Variants in GATA6 observed in about 807,000 individuals in gnomAD.
GATA6 encodes the protein GATA binding protein 6.
GATA6 carries 11 observed loss-of-function variants against 48.1 expected under a neutral mutation model. The ratio of observed to expected loss-of-function variants is 0.23; its 90% CI spans 0.14 to 0.38. GATA6 has a LOEUF of 0.38. Among genes scored for constraint, GATA6 ranks in the 10% least tolerant of loss-of-function variants. GATA6 has a pLI of 1.00. For missense variants in GATA6, 795 were observed against 850.3 expected, an observed-to-expected ratio of 0.93 and a Z score of 0.81; for synonymous variants, 419 against 396.1, an observed-to-expected ratio of 1.06 and a Z score of -0.69.
At chr18:22,173,487 G>T (rs934211764) in intron 2 of GATA6, among the ~76,000 whole-genome samples, 1 of 152,192 alleles carries the variant, frequency 6.6e-6, no homozygotes, top group Non-Finnish European at 1.5e-5. Flanking sequence ...CTTTAGGACA[G>T]CAAGTCAGTC....
Position 22,177,952 on chromosome 18 carries a change from G to GTT in GATA6, c.1302+856_1302+857dup, listed in dbSNP as rs775374335. On this transcript the variant is annotated intron_variant, in intron 3 of 6. Transcript: ENST00000269216. ...TTCGCACACGTTTTACTGTTTTTTT[G>GTT]TTTTTTTTTTTTTTTTTTTTTTTTT... Among the ~76,000 whole-genome samples, 261 of 80,514 alleles carry GTT rather than the reference G, an allele frequency of 3.2e-3. 17 individuals carry two copies. Among genetic ancestry groups the GTT allele is most frequent in the Non-Finnish European group, 5.0e-3 (198 of 39,208 alleles). 52.8% of individuals were successfully genotyped at this position (80,514 alleles called of 152,430 possible).
chr18:22,190,633 T>C (rs1163093634), intron 6 of GATA6, among the ~76,000 whole-genome samples: 2 of 152,156 alleles, frequency 1.3e-5, no homozygotes, highest in African/African-American at 2.4e-5. Context: ...GCCTCATTTA[T>C]AAACCAAGAT....
Position 22,172,453 on chromosome 18 carries a change from C to T in GATA6, c.1135+174C>T, listed in dbSNP as rs2033069277. On this transcript the variant is annotated intron_variant, in intron 2 of 6. Coordinates refer to ENST00000269216, the MANE Select transcript of GATA6 (RefSeq NM_005257.6). This position sits in a 1 kb window ranked among gnomAD's most constrained non-coding sequence, Gnocchi z 5.2. The stretch of plus-strand genomic sequence containing the variant: ...GCCTGTGGCTGGGTAACCCAGAGTC[C>T]GGTAGCGCTGAGGCGAGTTGTGCCA... Among the ~76,000 whole-genome samples the T allele has an allele frequency of 6.6e-6, 1 of 152,192 alleles. No homozygotes were observed. The highest frequency in any genetic ancestry group is 2.1e-4 in the South Asian group (1 of 4,828).
At chr18:22,173,708 A>G (rs1448009765) in intron 2 of GATA6, among the ~76,000 whole-genome samples, 1 of 152,170 alleles carries the variant, frequency 6.6e-6, no homozygotes, top group Admixed American at 6.5e-5. Flanking sequence ...TCTGGAGTGC[A>G]GTGGCTCACT....
chr18:22,173,032 G>T (rs1360815218), intron 2 of GATA6, among the ~76,000 whole-genome samples: 1 of 152,152 alleles, frequency 6.6e-6, no homozygotes, highest in Admixed American at 6.5e-5. Context: ...CCTGGAGCTG[G>T]GGCACCTATT....
chr18:22,195,880 A>G (rs551995265), intron 6 of GATA6, among the ~76,000 whole-genome samples: 2 of 152,336 alleles, frequency 1.3e-5, no homozygotes, highest in Non-Finnish European at 2.9e-5. Flanking sequence ...AGTTTCTACT[A>G]TTAGAAGTAA....
chr18:22,177,211 C>G (rs2033134195), intron 3 of GATA6, 90 bp downstream of exon 3: 1 of 1,263,990 alleles, frequency 7.9e-7, no homozygotes, highest in African/African-American at 1.6e-5. Flanking sequence ...CTGCCTTGGG[C>G]GTCCCCCTCC....
intron 6 of GATA6, among the ~76,000 whole-genome samples, chr18:22,191,647 T>C (rs2033329642): frequency 6.6e-6 from 1 of 152,186 alleles, no homozygotes. Context: ...CCTGTTAATT[T>C]TCTCTGAAAT....
intron 6 of GATA6, among the ~76,000 whole-genome samples, chr18:22,199,911 A>AG: frequency 6.6e-6 from 1 of 151,634 alleles, no homozygotes; most frequent in East Asian, 2.0e-4. Context: ...AAAAAAAAAA[A>AG]AAAAAAAAAA....
intron 3 of GATA6, 59 bp from the exon 4 acceptor site, chr18:22,181,394 A>G (rs770702609): frequency 1.5e-5 from 23 of 1,541,548 alleles, no homozygotes; most frequent in Admixed American, 5.0e-5. Flanking sequence ...TAATGTATGT[A>G]TGTAATATAT....
chr18:22,171,257 C>T lies in GATA6; in HGVS notation c.113C>T (p.Pro38Leu), dbSNP rs1342995094. ...PAREPSTPPSPISSSSSSCSR... is the reference protein window; with the variant it reads ...PAREPSTPPSLISSSSSSCSR... ...CGGGAGCCCTCCACGCCGCCTTCCC[C>T]CATCTCTTCCTCGTCCTCCTCCTGC... Residue 38 changes from proline (P) to leucine (L), a missense_variant, in exon 2 of 7, where the codon CCC becomes CTC. Physicochemically the swap from Pro to Leu is moderately conservative, Grantham distance 98 (BLOSUM62 -3). Around this residue, in one of 5 missense-constraint regions of GATA6, gnomAD observed 591 missense variants for 570.0 expected, o/e 1.04. Transcript: ENST00000269216. This position sits in a 1 kb window ranked among gnomAD's most constrained non-coding sequence, Gnocchi z 7.1. 1.9e-6 allele frequency: 3 copies of T among 1,598,206 alleles called. No individual in the cohort carries two copies. The highest frequency in any genetic ancestry group is 3.3e-4 in the Middle Eastern group (2 of 6,028).
rs1230302678 is a variant in GATA6 at position 22,171,724 on chromosome 18, G to C, written c.580G>C (p.Val194Leu). Residue 194 changes from valine (V) to leucine (L), a missense_variant, in exon 2 of 7, where the codon GTG becomes CTG. By Grantham distance (32) the Val-to-Leu change is conservative. This residue lies in a region of GATA6 where 591 missense variants were observed against 570.0 expected (regional missense o/e 1.04). Coordinates refer to ENST00000269216, the MANE Select transcript of GATA6 (RefSeq NM_005257.6). The surrounding 1 kb of genome is among the most constrained non-coding windows in gnomAD (Gnocchi z 7.1). ...SSPVYVPTTR[V>L]GSMLPGLPYH... ...CCCGGTCTACGTGCCCACCACCCGC[G>C]TGGGTTCCATGCTGCCCGGCCTACC... 6.7e-7 allele frequency: 1 copy of C among 1,489,408 alleles called. No homozygotes were observed. 92.3% of individuals were successfully genotyped at this position (1,489,408 alleles called of 1,614,324 possible). A position where few individuals can be genotyped will look rare whatever the true frequency, so the allele number is the denominator to read the frequency against.
Position 22,171,067 on chromosome 18 carries a change from G to C in GATA6, c.-37-41G>C. On this transcript the variant is annotated intron_variant, in intron 1 of 6. Coordinates refer to ENST00000269216, the MANE Select transcript of GATA6 (RefSeq NM_005257.6). This position sits in a 1 kb window ranked among gnomAD's most constrained non-coding sequence, Gnocchi z 7.1. The stretch of plus-strand genomic sequence containing the variant: ...GTGCAGCCTACGCTCTTGTTAACCC[G>C]TCGATCTCCTACCATACCCGTCTCC... The C allele has an allele frequency of 7.7e-7, 1 of 1,294,680 alleles. No homozygotes were observed. The highest frequency in any genetic ancestry group is 1.1e-6 in the Non-Finnish European group (1 of 914,538). The allele number at this position is 1,294,680 out of a possible 1,614,324, so 80.2% of individuals were successfully genotyped here. A position where few individuals can be genotyped will look rare whatever the true frequency, so the allele number is the denominator to read the frequency against.
intron 2 of GATA6, chr18:22,175,476 A>G (rs2033109991): frequency 6.6e-6 from 1 of 152,178 alleles, no homozygotes; most frequent in Non-Finnish European, 1.5e-5. Flanking sequence ...ACCTTGTTTA[A>G]CTTCAGTGTC....
At chr18:22,196,779 G>C (rs1005701103) in intron 6 of GATA6, among the ~76,000 whole-genome samples, 9 of 152,186 alleles carry the variant, frequency 5.9e-5, no homozygotes, top group Admixed American at 5.9e-4. Flanking sequence ...AAAGAGTCAT[G>C]AGACTTTTGA....
chr18:22,195,529 A>G (rs2033379222), intron 6 of GATA6, among the ~76,000 whole-genome samples: 1 of 152,230 alleles, frequency 6.6e-6, no homozygotes, highest in African/African-American at 2.4e-5. Context: ...TACTTTGGCA[A>G]CAACCTAAAT....
Position 22,170,998 on chromosome 18 carries a change from T to C in GATA6, c.-37-110T>C. ...AGTCTCAAATGGGATCTTTGAGAAGTCAGATCCCATTTGAACTAGAAAAAG... is the reference window on the plus strand; with the variant it reads ...AGTCTCAAATGGGATCTTTGAGAAGCCAGATCCCATTTGAACTAGAAAAAG... On this transcript the variant is annotated intron_variant, in intron 1 of 6. Coordinates refer to ENST00000269216, the MANE Select transcript of GATA6 (RefSeq NM_005257.6). The surrounding 1 kb of genome is among the most constrained non-coding windows in gnomAD (Gnocchi z 6.7). 1.4e-6 allele frequency: 1 copy of C among 695,656 alleles called. No individual in the cohort carries two copies. Among genetic ancestry groups the C allele is most frequent in the Non-Finnish European group, 2.5e-6 (1 of 393,012 alleles). 43.1% of individuals were successfully genotyped at this position (695,656 alleles called of 1,614,324 possible).
At position 22,196,063 on chromosome 18, in the gene GATA6, G is replaced by A. The variant is rs937264222; in HGVS notation, c.1621-4593G>A. Reference sequence around the variant, plus strand: ...GGTGGGTGTACCAGAATTTAGCTCCGCCAGCCATGAGTGAGGGGACTGGTG... The same window carrying A: ...GGTGGGTGTACCAGAATTTAGCTCCACCAGCCATGAGTGAGGGGACTGGTG... On this transcript the variant is annotated intron_variant, in intron 6 of 6. Transcript: ENST00000269216. 2.0e-5 allele frequency among the ~76,000 whole-genome samples: 3 copies of A among 152,134 alleles called. No homozygotes were observed. In the East Asian group the frequency reaches 5.8e-4, roughly 29 times the overall value.
chr18:22,174,926 TG>T (rs931138945), intron 2 of GATA6, among the ~76,000 whole-genome samples: 17 of 152,038 alleles, frequency 1.1e-4, no homozygotes, highest in Non-Finnish European at 2.4e-4. Flanking sequence ...CTTTATTTCC[TG>T]GGTCCTACAC....
Sources: allele counts gnomAD v4.1 joint callset (sites outside exome capture counted in the v4.1 genomes callset), GRCh38; gene constraint gnomAD v4.1.1; regional missense constraint gnomAD v4.1.1; non-coding constraint Gnocchi (gnomAD v3.1); transcripts MANE v1.5; gene names NCBI Gene and HGNC (gene_info 2026-07-23, HGNC 2026-07-21).